KMT2E: variants seen among roughly 807,000 people sequenced by gnomAD.
KMT2E encodes lysine methyltransferase 2E (inactive).
In KMT2E, 30 loss-of-function variants were observed where a neutral mutation model predicts 184.6. The ratio of observed to expected loss-of-function variants is 0.16; its 90% CI spans 0.12 to 0.22. The LOEUF (loss-of-function observed/expected upper bound fraction) is 0.22. KMT2E is among the 10% of genes least tolerant of loss of function. The pLI, the probability that KMT2E is intolerant of heterozygous loss-of-function variation, is 1.00. For missense variants in KMT2E, 2,023 were observed against 2,237.4 expected (o/e 0.90, Z 1.93); for synonymous variants, 815 against 776.5 (o/e 1.05, Z -0.82).
intron 1 of KMT2E, among the ~76,000 whole-genome samples, chr7:105,031,415 C>T (rs985187687): frequency 1.3e-5 from 2 of 151,306 alleles, no homozygotes; most frequent in Non-Finnish European, 2.9e-5. Flanking sequence ...AAATAATTGC[C>T]AACTTCATTT....
At chr7:105,024,868 A>C (rs905485160) in intron 1 of KMT2E, among the ~76,000 whole-genome samples, 26 of 152,156 alleles carry the variant, frequency 1.7e-4, no homozygotes, top group Non-Finnish European at 3.4e-4. Context: ...GTCAAATGAC[A>C]GACTCTCTGT....
chr7:105,082,454 A>G (rs1797795179), intron 13 of KMT2E, among the ~76,000 whole-genome samples: 1 of 152,230 alleles, frequency 6.6e-6, no homozygotes, highest in Non-Finnish European at 1.5e-5. Flanking sequence ...CTGTATTCTT[A>G]CAATAAAGTA....
chr7:105,070,632 C>CAAAAAA (rs57911728), intron 6 of KMT2E, among the ~76,000 whole-genome samples: 5 of 59,522 alleles, frequency 8.4e-5, no homozygotes, highest in Non-Finnish European at 1.5e-4. Flanking sequence ...GACTGTGTCT[C>CAAAAAA]AAAAAAAAAA....
intron 1 of KMT2E, among the ~76,000 whole-genome samples, chr7:105,017,192 T>G (rs1270159338): frequency 6.6e-6 from 1 of 152,184 alleles, no homozygotes; most frequent in Non-Finnish European, 1.5e-5. Context: ...CTTAAAAATT[T>G]GATTTATGTG....
At chr7:105,101,642 C>G (rs1798660045) in intron 16 of KMT2E, 53 bp downstream of exon 16, 3 of 1,356,316 alleles carry the variant, frequency 2.2e-6, no homozygotes, top group Non-Finnish European at 2.0e-6. Flanking sequence ...AATAAAATGT[C>G]TATACTTGCA....
intron 11 of KMT2E, among the ~76,000 whole-genome samples, chr7:105,078,538 G>T (rs962638739): frequency 6.6e-6 from 1 of 151,334 alleles, no homozygotes; most frequent in East Asian, 1.9e-4. Context: ...AGACAGTCTC[G>T]CTCTATCAGT....
chr7:105,110,129 T>A (rs968965199), intron 23 of KMT2E, 151 bp from the exon 24 acceptor site: 1 of 665,658 alleles, frequency 1.5e-6, no homozygotes, highest in South Asian at 1.8e-5. Context: ...CACTGTGCCC[T>A]GCCAAGATTA....
chr7:105,101,433 A>G lies in KMT2E; in HGVS notation c.1731A>G (p.Glu577=), dbSNP rs1412280503. Residue 577 remains glutamate, a synonymous_variant, in exon 16 of 27, where the codon GAA becomes GAG. Coordinates refer to ENST00000311117, the MANE Select transcript of KMT2E (RefSeq NM_182931.3). The part of the protein sequence containing the change: ...IAERKRKMTR[E]ERKMEAILQA... ...AAATTTAAATTTCATAGACAAGAGA[A>G]GAAAGAAAAATGGAAGCAATTTTGC... The G allele has an allele frequency of 6.5e-7, 1 of 1,550,178 alleles. No homozygotes were observed. The highest frequency in any genetic ancestry group is 2.3e-5 in the East Asian group (1 of 43,212).
chr7:105,061,572 G>C (rs1344471357), intron 3 of KMT2E, among the ~76,000 whole-genome samples: 3 of 152,288 alleles, frequency 2.0e-5, no homozygotes, highest in East Asian at 1.9e-4. Flanking sequence ...TGGGCAAATT[G>C]TATCAGTAGT....
rs57911728 is a variant in KMT2E at position 105,070,632 on chromosome 7, CAAAAAAAA to C, written c.498-2970_498-2963del. ...TGTGTGAGAGAGCGGGACTGTGTCT[CAAAAAAAA>C]AAAAAAAAAAAAAAAAGCAAAGATT... On this transcript the variant is annotated intron_variant, in intron 6 of 26. Coordinates refer to ENST00000311117, the MANE Select transcript of KMT2E (RefSeq NM_182931.3). Among the ~76,000 whole-genome samples the C allele has an allele frequency of 3.9e-4, 23 of 59,516 alleles. No individual in the cohort carries two copies. In the East Asian group the frequency reaches 3.9e-3, roughly 10 times the overall value. 39.0% of individuals were successfully genotyped at this position (59,516 alleles called of 152,430 possible).
At chr7:105,079,730 G>C (rs1379284002) in intron 12 of KMT2E, among the ~76,000 whole-genome samples, 2 of 151,192 alleles carry the variant, frequency 1.3e-5, no homozygotes, top group African/African-American at 2.4e-5. Context: ...TCATTTTGCT[G>C]CCCAGGCTGG....
At chr7:105,097,873 C>G (rs920718676) in intron 15 of KMT2E, among the ~76,000 whole-genome samples, 6 of 152,144 alleles carry the variant, frequency 3.9e-5, no homozygotes, top group African/African-American at 1.4e-4. Flanking sequence ...AATGTGAGTG[C>G]TTGCCATTTG....
At chr7:105,063,204 A>AT (rs1450994892) in intron 4 of KMT2E, 147 bp from the exon 5 acceptor site, 5 of 585,858 alleles carry the variant, frequency 8.5e-6, no homozygotes, top group Non-Finnish European at 1.4e-5. Flanking sequence ...TCACCAAGTC[A>AT]TTTTTTTAAT....
At chr7:105,071,887 GTGTGCATTTCTCTTACTT>G (rs1797336821) in intron 6 of KMT2E, among the ~76,000 whole-genome samples, 1 of 151,842 alleles carries the variant, frequency 6.6e-6, no homozygotes, top group Non-Finnish European at 1.5e-5. Context: ...CATAGTTATG[GTGTGCATTTCTCTTACTT>G]TGAGTGAGGT....
intron 13 of KMT2E, among the ~76,000 whole-genome samples, chr7:105,084,151 A>G (rs1487564385): frequency 2.0e-5 from 3 of 152,274 alleles, no homozygotes; most frequent in East Asian, 1.9e-4. Context: ...ATTTTTTACA[A>G]TGGTACTTAT....
rs185884163 is a variant in KMT2E, at chr7:105,053,128, G to A, written c.72-9036G>A. On this transcript the variant is annotated intron_variant, in intron 3 of 26. Transcript: ENST00000311117. The stretch of plus-strand genomic sequence containing the variant: ...TTGGCATGATTTCAGTATATTGAAT[G>A]CTAAGTTTTTTTAAGTCGCGGTTTT... 3.1e-3 allele frequency among the ~76,000 whole-genome samples: 475 copies of A among 152,234 alleles called. 5 individuals are homozygous for A. The highest frequency in any genetic ancestry group is 9.9e-3 in the African/African-American group (413 of 41,554).
chr7:105,078,023 T>G (rs1223098916), intron 11 of KMT2E, among the ~76,000 whole-genome samples: 1 of 152,198 alleles, frequency 6.6e-6, no homozygotes, highest in Non-Finnish European at 1.5e-5. Flanking sequence ...AGTCTAGAAG[T>G]ATGTTCATAT....
At chr7:105,041,348 A>G (rs901544635) in intron 3 of KMT2E, among the ~76,000 whole-genome samples, 2 of 152,122 alleles carry the variant, frequency 1.3e-5, no homozygotes, top group Non-Finnish European at 2.9e-5. Flanking sequence ...TTGTTATTCC[A>G]GTGTCACTAG....
At chr7:105,094,243 TAGTC>T (rs1236772611) in intron 15 of KMT2E, among the ~76,000 whole-genome samples, 1 of 152,154 alleles carries the variant, frequency 6.6e-6, no homozygotes, top group African/African-American at 2.4e-5. Flanking sequence ...TTAACATCAG[TAGTC>T]AGAAAGATAA....
Sources: gnomAD v4.1 joint callset for allele counts (sites outside exome capture counted in the v4.1 genomes callset) on GRCh38, gnomAD v4.1.1 for gene constraint, MANE v1.5 for transcripts, NCBI Gene and HGNC (gene_info 2026-07-23, HGNC 2026-07-21) for gene names.